EMG1: variants seen among roughly 807,000 people sequenced by gnomAD.
The protein encoded by EMG1 is ribosomal RNA small subunit methyltransferase NEP1.
In EMG1, 24 loss-of-function variants were observed where a neutral mutation model predicts 26.9. The observed-to-expected ratio is 0.89, with a 90% CI of 0.65 to 1.26. The LOEUF is 1.26. Ranked by LOEUF, EMG1 falls within the 50% of genes most tolerant of loss-of-function variation. The probability of loss-of-function intolerance (pLI) is 0.00; values close to 1 mark genes in which losing one functional copy is unlikely to be tolerated. For synonymous variants in EMG1, 140 were observed against 112.6 expected (o/e 1.24, Z -1.54); for missense variants, 299 against 307.6 (o/e 0.97, Z 0.21).
downstream of EMG1, chr12:6,983,125 A>T: frequency 2.0e-6 from 1 of 495,580 alleles, no homozygotes; most frequent in Non-Finnish European, 3.7e-6. Context: ...GAAGTGAAGA[A>T]TGAATCTAAG....
chr12:6,986,179 G>A (rs1242822940), intron 6 of EMG1, among the ~76,000 whole-genome samples: 1 of 152,028 alleles, frequency 6.6e-6, no homozygotes, highest in East Asian at 1.9e-4. Flanking sequence ...ATTTTGAACA[G>A]CAAGGGTCCC....
downstream of EMG1, chr12:6,982,056 T>C (rs1209206408): frequency 4.9e-6 from 3 of 613,014 alleles, no homozygotes; most frequent in African/African-American, 5.5e-5. Flanking sequence ...AAACCTGTAA[T>C]GGGAAGAGCG....
Position 6,979,788 on chromosome 12 carries a change from T to G in EMG1, c.*3979T>G. ...ATGGGGACTGCAAACCTCTTAAGAGTTGTAGGAAAGTCAGGGCAGCAGACA... is the reference window on the plus strand; with the variant it reads ...ATGGGGACTGCAAACCTCTTAAGAGGTGTAGGAAAGTCAGGGCAGCAGACA... On this transcript the variant is annotated 3_prime_UTR_variant, in exon 6 of 6. Transcript: ENST00000599672. 3.4e-6 allele frequency: 2 copies of G among 580,220 alleles called. No individual in the cohort carries two copies. Among genetic ancestry groups the G allele is most frequent in the Non-Finnish European group, 6.2e-6 (2 of 324,670 alleles). 35.9% of individuals were successfully genotyped at this position (580,220 alleles called of 1,614,324 possible). A position where few individuals can be genotyped will look rare whatever the true frequency, so the allele number is the denominator to read the frequency against.
At chr12:6,983,394 CACTA>C (rs782017808), downstream of EMG1, 3 of 1,373,084 alleles carry the variant, frequency 2.2e-6, no homozygotes, top group Non-Finnish European at 3.1e-6. Flanking sequence ...TCCAGGTTCC[CACTA>C]ATTGCGGTGT....
chr12:6,974,430 T>C lies in EMG1; in HGVS notation c.260T>C (p.Ile87Thr), dbSNP rs782803599. Residue 87 changes from isoleucine (I) to threonine (T), a missense_variant, in exon 2 of 6, where the codon ATC becomes ACC. Coordinates refer to ENST00000599672, the MANE Select transcript of EMG1 (RefSeq NM_006331.8). ...GACCCTGGGGAAGCGCGGCCAGATA[T>C]CACCCACCAGGTAACTCCAGGGACA... ...GRDPGEARPD[I>T]THQSLLMLMD... The C allele has an allele frequency of 6.2e-7, 1 of 1,613,628 alleles. No individual in the cohort carries two copies. Among genetic ancestry groups the C allele is most frequent in the Non-Finnish European group, 8.5e-7 (1 of 1,179,602 alleles).
chr12:6,987,647 C>G lies in EMG1; in HGVS notation c.*155-135C>G, dbSNP rs1946542306. 1 of 394,422 alleles carries G rather than the reference C, an allele frequency of 2.5e-6. No individual in the cohort carries two copies. Among genetic ancestry groups the G allele is most frequent in the Non-Finnish European group, 4.5e-6 (1 of 224,170 alleles). The allele number at this position is 394,422 out of a possible 1,614,324, so 24.4% of individuals were successfully genotyped here. A position where few individuals can be genotyped will look rare whatever the true frequency, so the allele number is the denominator to read the frequency against. On this transcript the variant is annotated intron_variant and NMD_transcript_variant, in intron 6 of 7. Transcript: ENST00000261406. This position sits in a 1 kb window ranked among gnomAD's most constrained non-coding sequence, Gnocchi z 4.1. ...ACAGTAGATAATTATCTAGAGCACT[C>G]ATAAATAAGTTCTAGGTAGCTAAGT... is the stretch of plus-strand genomic sequence containing the variant.
Position 6,979,630 on chromosome 12 carries a change from C to T in EMG1, c.*3821C>T. 1.6e-6 allele frequency: 2 copies of T among 1,273,480 alleles called. No individual in the cohort carries two copies. The highest frequency in any genetic ancestry group is 2.3e-6 in the Non-Finnish European group (2 of 871,662). 78.9% of individuals were successfully genotyped at this position (1,273,480 alleles called of 1,614,324 possible). A position where few individuals can be genotyped will look rare whatever the true frequency, so the allele number is the denominator to read the frequency against. On this transcript the variant is annotated 3_prime_UTR_variant, in exon 6 of 6. Coordinates refer to ENST00000599672, the MANE Select transcript of EMG1 (RefSeq NM_006331.8). ...GGTCACAGAGAGCAGAGACTATTCC[C>T]TTCACCCTCTGACCTTCAGTTATGG...
rs1946372469 is a variant in EMG1, at chr12:6,974,673, A to G, written c.392A>G (p.Asp131Gly). Residue 131 changes from aspartate to glycine, a missense_variant, in exon 3 of 6, where the codon GAC becomes GGC. Physicochemically the swap from Asp to Gly is moderately conservative, Grantham distance 94. Transcript: ENST00000599672. ...NPQTRIPRTF[D>G]RFCGLMVQLL... ...CAGACCCGAATTCCCAGAACCTTTG[A>G]CCGCTTTTGTGGCCTCATGGGTAAG... The G allele has an allele frequency of 2.5e-6, 4 of 1,613,890 alleles. No individual in the cohort carries two copies. Among genetic ancestry groups the G allele is most frequent in the African/African-American group, 1.3e-5 (1 of 75,034 alleles).
downstream of EMG1, chr12:6,983,261 T>C (rs1230733523): frequency 3.5e-6 from 2 of 577,652 alleles, no homozygotes; most frequent in East Asian, 2.9e-5. Flanking sequence ...AGAATGTACA[T>C]AAAAGAAAAA....
Position 6,978,400 on chromosome 12 carries a change from G to A in EMG1, c.*2591G>A, listed in dbSNP as rs782679395. On this transcript the variant is annotated 3_prime_UTR_variant, in exon 6 of 6. Coordinates refer to ENST00000599672, the MANE Select transcript of EMG1 (RefSeq NM_006331.8). ...AGGCAATGGTGCCAGTGAAGCGGGG[G>A]TTTGTTTCAAAGAGCCACACCTTCA... The A allele has an allele frequency of 6.2e-6, 10 of 1,613,678 alleles. No homozygotes were observed. The highest frequency in any genetic ancestry group is 8.5e-6 in the Non-Finnish European group (10 of 1,179,932).
chr12:6,973,045 G>T (rs1043485094), intron 1 of EMG1, among the ~76,000 whole-genome samples: 2 of 144,954 alleles, frequency 1.4e-5, no homozygotes, highest in Admixed American at 7.0e-5. Context: ...CCACCGTGTT[G>T]CCCAGGCCGG....
rs1035421832 is a variant in EMG1 at position 6,977,497 on chromosome 12, G to A, written c.*1688G>A. On this transcript the variant is annotated 3_prime_UTR_variant, in exon 6 of 6. Coordinates refer to ENST00000599672, the MANE Select transcript of EMG1 (RefSeq NM_006331.8). This position sits in a 1 kb window ranked among gnomAD's most constrained non-coding sequence, Gnocchi z 4.5. ...AGTAATGGCGGCCAGCTTGCTCAGG[G>A]TGGGGCTCTCTTGAATGAGCCTGGC... 35 of 1,614,212 alleles carry A rather than the reference G, an allele frequency of 2.2e-5. No individual in the cohort carries two copies. Among genetic ancestry groups the A allele is most frequent in the Non-Finnish European group, 3.0e-5 (35 of 1,180,040 alleles).
At chr12:6,980,808 G>A, downstream of EMG1, 1 of 446,712 alleles carries the variant, frequency 2.2e-6, no homozygotes, top group East Asian at 3.5e-5. Flanking sequence ...TTGTACTAGT[G>A]TTAGAATGGA....
rs1555153595 is a variant in EMG1 at position 6,978,387 on chromosome 12, C to T, written c.*2578C>T. ...TTGATGTTGAATGAGGCAATGGTGC[C>T]AGTGAAGCGGGGGTTTGTTTCAAAG... On this transcript the variant is annotated 3_prime_UTR_variant, in exon 6 of 6. Transcript: ENST00000599672. 1 of 1,613,560 alleles carries T rather than the reference C, an allele frequency of 6.2e-7. No individual in the cohort carries two copies. Among genetic ancestry groups the T allele is most frequent in the East Asian group, 2.2e-5 (1 of 44,880 alleles).
At position 6,974,743 on chromosome 12, in the gene EMG1, G is replaced by A. The variant is rs1253847678; in HGVS notation, c.412+50G>A. On this transcript the variant is annotated intron_variant, in intron 3 of 5. Coordinates refer to ENST00000599672, the MANE Select transcript of EMG1 (RefSeq NM_006331.8). ...GAATGAACTTGTCAGTAGGGAAGAA[G>A]GGAGGAAGAGGAAAAGGGAGAACTA... The A allele has an allele frequency of 1.0e-5, 16 of 1,595,110 alleles. No homozygotes were observed. In the African/African-American group the frequency reaches 1.1e-4, roughly 11 times the overall value.
chr12:6,978,884 T>C lies in EMG1; in HGVS notation c.*3075T>C, dbSNP rs1172640190. The C allele has an allele frequency of 1.4e-6, 1 of 712,254 alleles. No individual in the cohort carries two copies. The highest frequency in any genetic ancestry group is 2.2e-6 in the Non-Finnish European group (1 of 447,272). 44.1% of individuals were successfully genotyped at this position (712,254 alleles called of 1,614,324 possible). On this transcript the variant is annotated 3_prime_UTR_variant, in exon 6 of 6. Transcript: ENST00000599672. ...AAGCAGAGGGCCTGGAGAATATTCA[T>C]TCGCCTTTCCCTTGGAGAGCCTCAA... is the stretch of plus-strand genomic sequence containing the variant.
At position 6,974,628 on chromosome 12, in the gene EMG1, TTC is replaced by T; in HGVS notation, c.349_350del (p.Leu117AspfsTer2). 6.2e-7 allele frequency: 1 copy of T among 1,614,014 alleles called. No individual in the cohort carries two copies. The highest frequency in any genetic ancestry group is 2.2e-5 in the East Asian group (1 of 44,878). On this transcript the variant is annotated frameshift_variant, in exon 3 of 6. Coordinates refer to ENST00000599672, the MANE Select transcript of EMG1 (RefSeq NM_006331.8). LOFTEE classifies it high-confidence loss of function. ...GTTTATATCCATACACAGAAGAATG[TTC>T]TGATTGAAGTGAATCCCCAGACCCG...
intron 6 of EMG1, among the ~76,000 whole-genome samples, chr12:6,986,472 T>A: frequency 6.6e-6 from 1 of 152,254 alleles, no homozygotes; most frequent in Admixed American, 6.5e-5. Context: ...CTATTAGTAG[T>A]TAAGTTTTTG....
chr12:6,989,351 C>T (rs1946564810), downstream of EMG1, among the ~76,000 whole-genome samples: 2 of 149,972 alleles, frequency 1.3e-5, no homozygotes, highest in South Asian at 4.3e-4. Flanking sequence ...TCTCTGTCGC[C>T]CAGGCTGGAG....
Sources: gnomAD v4.1 joint callset for allele counts (sites outside exome capture counted in the v4.1 genomes callset) on GRCh38, gnomAD v4.1.1 for gene constraint, Gnocchi (gnomAD v3.1) non-coding constraint, MANE v1.5 for transcripts, NCBI Gene and HGNC (gene_info 2026-07-23, HGNC 2026-07-21) for gene names.